TRAPPC6B: variants seen among roughly 807,000 people sequenced by gnomAD.
TRAPPC6B encodes the protein TRAPP complex subunit 6B.
In TRAPPC6B, 27 loss-of-function variants were observed where a neutral mutation model predicts 24.7. The ratio of observed to expected loss-of-function variants is 1.09; its 90% confidence interval spans 0.81 to 1.51. The LOEUF (loss-of-function observed/expected upper bound fraction) is 1.51. TRAPPC6B is among the 40% of genes most tolerant of loss of function. The pLI is 0.00. For missense variants in TRAPPC6B, 212 were observed against 190.8 expected, an observed-to-expected ratio of 1.11 and a Z score of -0.66; for synonymous variants, 80 against 66.6, an observed-to-expected ratio of 1.20 and a Z score of -0.98.
In TRAPPC6B at chr14:39,149,638, A is replaced by C. The variant is rs2139374309; in HGVS notation, c.*712T>G. On this transcript the variant is annotated 3_prime_UTR_variant, in exon 6 of 6. Coordinates refer to ENST00000330149, the MANE Select transcript of TRAPPC6B (RefSeq NM_001079537.2). Reference sequence around the variant, plus strand: ...CAGGACTTCCATGCACGGGGAGAGAAGTTGAAAGTCAAAACTGTAACAGGA... The same window carrying C: ...CAGGACTTCCATGCACGGGGAGAGACGTTGAAAGTCAAAACTGTAACAGGA... 6.6e-6 allele frequency: 1 copy of C among 152,324 alleles called. No individual in the cohort carries two copies. The highest frequency in any genetic ancestry group is 2.4e-5 in the African/African-American group (1 of 41,586). 9.4% of individuals were successfully genotyped at this position (152,324 alleles called of 1,614,324 possible). A position where few individuals can be genotyped will look rare whatever the true frequency, so the allele number is the denominator to read the frequency against.
At chr14:39,156,383 C>G (rs111237292) in intron 3 of TRAPPC6B, among the ~76,000 whole-genome samples, 2 of 152,106 alleles carry the variant, frequency 1.3e-5, no homozygotes, top group African/African-American at 4.8e-5. Flanking sequence ...TAATTTTTTA[C>G]TTAATCAAAA....
intron 4 of TRAPPC6B, among the ~76,000 whole-genome samples, chr14:39,152,510 C>T (rs985913424): frequency 6.6e-6 from 1 of 152,140 alleles, no homozygotes; most frequent in African/African-American, 2.4e-5. Context: ...TGATTACCCA[C>T]ATCTATACTG....
intron 1 of TRAPPC6B, among the ~76,000 whole-genome samples, chr14:39,167,275 T>C: frequency 1.3e-5 from 2 of 152,232 alleles, no homozygotes; most frequent in East Asian, 3.8e-4. Context: ...TTAAGCATAG[T>C]TTGAAAAACC....
chr14:39,169,912 G>T, intron 1 of TRAPPC6B, 103 bp downstream of exon 1: 1 of 1,126,720 alleles, frequency 8.9e-7, no homozygotes, highest in Non-Finnish European at 1.3e-6. Flanking sequence ...TGTACACCTC[G>T]GGAGGCGTCG....
chr14:39,161,943 G>T (rs1368672024), intron 1 of TRAPPC6B, among the ~76,000 whole-genome samples: 1 of 152,206 alleles, frequency 6.6e-6, no homozygotes, highest in African/African-American at 2.4e-5. Context: ...CAGACCGGTA[G>T]AGGGGACACT....
Position 39,151,762 on chromosome 14 carries a change from C to T in TRAPPC6B, c.429G>A (p.Val143=), listed in dbSNP as rs750103172. The change falls in exon 5 of 6, where the codon GTG becomes GTA. Residue 143 remains valine (V), a synonymous_variant. Coordinates refer to ENST00000330149, the MANE Select transcript of TRAPPC6B (RefSeq NM_001079537.2). The part of the protein sequence containing the change: ...LGIKSIVTAE[V]SSMPACKFQV... The stretch of plus-strand genomic sequence containing the variant: ...TCAACTTACAAGCAGGCATTGAAGA[C>T]ACTTCAGCTGTTACAATACTTTTTA... 3.8e-6 allele frequency: 6 copies of T among 1,597,698 alleles called. No homozygotes were observed. The highest frequency in any genetic ancestry group is 2.7e-5 in the African/African-American group (2 of 73,824).
At chr14:39,165,047 C>CTTT (rs141322850) in intron 1 of TRAPPC6B, among the ~76,000 whole-genome samples, 2 of 138,796 alleles carry the variant, frequency 1.4e-5, no homozygotes, top group Admixed American at 7.3e-5. Context: ...ACTTCACATT[C>CTTT]TTTTTTTTTT....
intron 5 of TRAPPC6B, 97 bp from the exon 6 acceptor site, chr14:39,150,478 A>G: frequency 1.2e-6 from 1 of 861,490 alleles, no homozygotes; most frequent in South Asian, 1.6e-5. Flanking sequence ...AGTTTCAGTC[A>G]AGAAATCTGC....
chr14:39,150,855 G>A (rs1009793204), intron 5 of TRAPPC6B, among the ~76,000 whole-genome samples: 1 of 151,940 alleles, frequency 6.6e-6, no homozygotes, highest in African/African-American at 2.4e-5. Context: ...CTATTTTTAT[G>A]GGATGATTAT....
chr14:39,148,454 G>GAAA lies in TRAPPC6B; in HGVS notation c.*1893_*1895dup. 3 of 341,958 alleles carry GAAA rather than the reference G, an allele frequency of 8.8e-6. No individual in the cohort carries two copies. Among genetic ancestry groups the GAAA allele is most frequent in the Non-Finnish European group, 5.2e-6 (1 of 191,336 alleles). The allele number at this position is 341,958 out of a possible 1,614,324, so 21.2% of individuals were successfully genotyped here. On this transcript the variant is annotated 3_prime_UTR_variant, in exon 6 of 6. Coordinates refer to ENST00000330149, the MANE Select transcript of TRAPPC6B (RefSeq NM_001079537.2). ...TACAGAGTTTTAGGCCAAAAAAAAA[G>GAAA]AAAAAAAAAATGGGGCTTTGTCAGC...
At chr14:39,151,931 A>T (rs550567518) in intron 4 of TRAPPC6B, 92 bp from the exon 5 acceptor site, 93 of 829,776 alleles carry the variant, frequency 1.1e-4, no homozygotes, top group Non-Finnish European at 1.7e-4. Context: ...TATCATCAGT[A>T]AGTCATTCCT....
chr14:39,158,457 G>A (rs1173555609), intron 2 of TRAPPC6B, 55 bp from the exon 3 acceptor site: 5 of 1,003,542 alleles, frequency 5.0e-6, no homozygotes, highest in Non-Finnish European at 7.5e-6. Context: ...AAAGCAAGAG[G>A]GACTAATTAT....
At chr14:39,166,321 T>C (rs2053108471) in intron 1 of TRAPPC6B, among the ~76,000 whole-genome samples, 1 of 152,084 alleles carries the variant, frequency 6.6e-6, no homozygotes, top group South Asian at 2.1e-4. Flanking sequence ...GATGCTCTTT[T>C]TGGAATAATC....
At chr14:39,151,389 C>CAAAAAAAA (rs11288695) in intron 5 of TRAPPC6B, among the ~76,000 whole-genome samples, 2 of 78,734 alleles carry the variant, frequency 2.5e-5, no homozygotes, top group African/African-American at 9.5e-5. Flanking sequence ...GACTCCGTCT[C>CAAAAAAAA]AAAAAAAAAA....
At chr14:39,156,976 G>A (rs2052986175) in intron 3 of TRAPPC6B, 2 of 158,070 alleles carry the variant, frequency 1.3e-5, no homozygotes, top group Non-Finnish European at 2.8e-5. Context: ...CCGGAGTGGT[G>A]GCACATGCCT....
At chr14:39,154,333 C>T (rs760459415) in intron 3 of TRAPPC6B, 39 bp from the exon 4 acceptor site, 6 of 1,119,020 alleles carry the variant, frequency 5.4e-6, no homozygotes, top group Non-Finnish European at 2.7e-6. Context: ...AGTCAATGTA[C>T]CTAGCAGTCC....
At chr14:39,165,322 G>A (rs908770480) in intron 1 of TRAPPC6B, among the ~76,000 whole-genome samples, 8 of 152,166 alleles carry the variant, frequency 5.3e-5, no homozygotes, top group Non-Finnish European at 7.3e-5. Flanking sequence ...TGGGTTACAA[G>A]CGTGAGCCAC....
Position 39,154,245 on chromosome 14 carries a change from G to C in TRAPPC6B, c.317C>G (p.Ser106Cys), listed in dbSNP as rs537398736. The change falls in exon 4 of 6, where the codon TCT (serine) becomes TGT (cysteine). Residue 106 changes from serine to cysteine, a missense_variant. Ser to Cys is a moderately radical substitution (Grantham distance 112). Transcript: ENST00000330149. The part of the protein sequence containing the change: ...DNKFRLLTQM[S>C]AGKQYLEHAS... ...ATGTTCTAAATACTGTTTTCCTGCA[G>C]ACATCTGAGTAAGCAGGCGAAATTT... is the stretch of plus-strand genomic sequence containing the variant. 3.4e-5 allele frequency: 55 copies of C among 1,612,950 alleles called. 1 individual carries two copies. The South Asian group carries it at 5.6e-4, about 16-fold the overall frequency.
chr14:39,159,348 T>C, intron 2 of TRAPPC6B, 135 bp downstream of exon 2: 1 of 496,136 alleles, frequency 2.0e-6, no homozygotes, highest in Non-Finnish European at 3.3e-6. Context: ...AAAAAGAAAT[T>C]TTAATTTTTG....
Sources: gnomAD v4.1 joint callset for allele counts (sites outside exome capture counted in the v4.1 genomes callset) on GRCh38, gnomAD v4.1.1 for gene constraint, MANE v1.5 for transcripts, NCBI Gene and HGNC (gene_info 2026-07-23, HGNC 2026-07-21) for gene names.